Variants in FMN2 observed in about 807,000 individuals in gnomAD.
The protein encoded by FMN2 is formin 2.
Under a neutral mutation model 142.3 loss-of-function variants are expected in FMN2, and 51 were observed. The observed-to-expected ratio is 0.36, with a 90% confidence interval of 0.29 to 0.45. FMN2 has a LOEUF of 0.45. FMN2 is among the 20% of genes least tolerant of loss of function. FMN2 has a pLI of 1.00. For synonymous variants in FMN2, 882 were observed against 869.8 expected, an observed-to-expected ratio of 1.01 and a Z score of -0.25; for missense variants, 1,936 against 2,122.8, an observed-to-expected ratio of 0.91 and a Z score of 1.73.
chr1:240,388,178 C>CAAA (rs71170738), intron 14 of FMN2, among the ~76,000 whole-genome samples: 1 of 11,802 alleles, frequency 8.5e-5, no homozygotes, highest in African/African-American at 5.1e-4. Flanking sequence ...ACTCCCATCT[C>CAAA]AAAAAAAAAA....
At chr1:240,377,711 C>T (rs10802866) in intron 14 of FMN2, among the ~76,000 whole-genome samples, 78,376 of 151,826 alleles carry the variant, frequency 0.52, 20,959 homozygotes, top group African/African-American at 0.66. Context: ...AGTGATTGCA[C>T]TGGGACAACG....
At chr1:240,194,144 ACTT>A (rs1665823586) in intron 4 of FMN2, among the ~76,000 whole-genome samples, 1 of 151,808 alleles carries the variant, frequency 6.6e-6, no homozygotes, top group African/African-American at 2.4e-5. Flanking sequence ...TTAAAAATCT[ACTT>A]CTATTTTTTA....
intron 15 of FMN2, among the ~76,000 whole-genome samples, chr1:240,435,839 G>A (rs376331901): frequency 1.3e-5 from 2 of 152,134 alleles, no homozygotes; most frequent in African/African-American, 2.4e-5. Flanking sequence ...TAGCTATTGC[G>A]ACTTACATAT....
In FMN2 at chr1:240,366,055, C is replaced by T. The variant is rs149483148; in HGVS notation, c.4858+10147C>T. 3.1e-3 allele frequency among the ~76,000 whole-genome samples: 479 copies of T among 152,136 alleles called. 1 individual carries two copies. Among genetic ancestry groups the T allele is most frequent in the African/African-American group, 0.011 (457 of 41,482 alleles). ...GCTGAAACAAGAAGGCAGAGTGTTA[C>T]CTTGCAAAACCTCAGCTGGAAACAT... On this transcript the variant is annotated intron_variant, in intron 14 of 17. Coordinates refer to ENST00000319653, the MANE Select transcript of FMN2 (RefSeq NM_020066.5).
At chr1:240,198,710 A>G (rs562388391) in intron 4 of FMN2, among the ~76,000 whole-genome samples, 3 of 152,216 alleles carry the variant, frequency 2.0e-5, no homozygotes, top group South Asian at 4.1e-4. Context: ...TTATATCTAT[A>G]TAACACCTCG....
At chr1:240,155,128 C>A (rs950071951) in intron 2 of FMN2, among the ~76,000 whole-genome samples, 4 of 151,960 alleles carry the variant, frequency 2.6e-5, no homozygotes, top group African/African-American at 9.7e-5. Flanking sequence ...TGAGCTCAAG[C>A]AATCCACCCA....
intron 2 of FMN2, chr1:240,144,366 C>T (rs1476699397): frequency 6.2e-7 from 1 of 1,606,912 alleles, no homozygotes; most frequent in Non-Finnish European, 8.5e-7. Flanking sequence ...TCCATGATGT[C>T]CAGCTCCCGA....
At chr1:240,321,587 C>T (rs1406125693) in intron 8 of FMN2, among the ~76,000 whole-genome samples, 1 of 152,072 alleles carries the variant, frequency 6.6e-6, no homozygotes, top group Non-Finnish European at 1.5e-5. Context: ...ATGGTTTTCA[C>T]TAACTTGGTG....
intron 8 of FMN2, among the ~76,000 whole-genome samples, chr1:240,324,374 A>G (rs536990733): frequency 6.6e-5 from 10 of 152,052 alleles, no homozygotes; most frequent in Non-Finnish European, 1.3e-4. Context: ...GAAATGGTTT[A>G]AGGCCAGGCG....
intron 8 of FMN2, among the ~76,000 whole-genome samples, chr1:240,321,335 T>G (rs1482946602): frequency 1.3e-5 from 2 of 152,290 alleles, no homozygotes; most frequent in Admixed American, 1.3e-4. Context: ...AATTAGAATG[T>G]TGGAAGTCTT....
chr1:240,367,677 A>C (rs939683138), intron 14 of FMN2, among the ~76,000 whole-genome samples: 2 of 151,102 alleles, frequency 1.3e-5, no homozygotes, highest in African/African-American at 4.9e-5. Flanking sequence ...CTGAGGCAAA[A>C]GAATGGCGTG....
intron 1 of FMN2, among the ~76,000 whole-genome samples, chr1:240,110,625 G>A (rs1268521406): frequency 1.3e-5 from 2 of 152,138 alleles, no homozygotes; most frequent in Non-Finnish European, 2.9e-5. Flanking sequence ...GTGTATGACT[G>A]CAAAGCTGAT....
At position 240,206,850 on chromosome 1, in the gene FMN2, G is replaced by C; in HGVS notation, c.2038G>C (p.Glu680Gln). 6.2e-7 allele frequency: 1 copy of C among 1,614,114 alleles called. No homozygotes were observed. The change falls in exon 5 of 18, where the codon GAA becomes CAA. Residue 680 changes from glutamate (E) to glutamine (Q), a missense_variant. By Grantham distance (29) the Glu-to-Gln change is conservative. Around this residue, in one of 8 missense-constraint regions of FMN2, gnomAD observed 478 missense variants for 462.8 expected, o/e 1.03. Transcript: ENST00000319653. The part of the protein sequence containing the change: ...EGQATVIQQL[E>Q]QTIEDLRTKI... The stretch of plus-strand genomic sequence containing the variant: ...ACAGGCCACTGTAATTCAGCAGCTG[G>C]AACAGACTATTGAGGATCTGAGAAC...
intron 3 of FMN2, among the ~76,000 whole-genome samples, chr1:240,181,954 T>C (rs1665173742): frequency 6.6e-6 from 1 of 152,222 alleles, no homozygotes; most frequent in African/African-American, 2.4e-5. Context: ...GTATTGAATT[T>C]TTCTGTTTAT....
rs1673820692 is a variant in FMN2 at position 240,397,543 on chromosome 1, A to T, written c.4910+4981A>T. ...GTAATCCCAGCACTTTGGGAGGCCGAGACAGGCAGATTACTTGAGGTCAGG... is the reference window on the plus strand; with the variant it reads ...GTAATCCCAGCACTTTGGGAGGCCGTGACAGGCAGATTACTTGAGGTCAGG... On this transcript the variant is annotated intron_variant, in intron 15 of 17. Transcript: ENST00000319653. Among the ~76,000 whole-genome samples the T allele has an allele frequency of 2.6e-5, 4 of 152,058 alleles. No homozygotes were observed. The South Asian group carries it at 8.3e-4, about 32-fold the overall frequency.
intron 1 of FMN2, among the ~76,000 whole-genome samples, chr1:240,111,185 T>C (rs1183698104): frequency 6.6e-6 from 1 of 152,090 alleles, no homozygotes; most frequent in Non-Finnish European, 1.5e-5. Context: ...AATTTCTAGA[T>C]GAGGAAACAG....
At chr1:240,154,034 C>T (rs528191619) in intron 2 of FMN2, among the ~76,000 whole-genome samples, 18 of 140,306 alleles carry the variant, frequency 1.3e-4, no homozygotes, top group African/African-American at 4.8e-4. Flanking sequence ...CTCTTGAACC[C>T]AGGAGGCGGA....
chr1:240,353,977 T>TA (rs1422124017), intron 13 of FMN2, among the ~76,000 whole-genome samples: 1 of 152,166 alleles, frequency 6.6e-6, no homozygotes, highest in African/African-American at 2.4e-5. Flanking sequence ...CTGCAGAAGA[T>TA]ATCAGGACTA....
At chr1:240,452,063 C>T (rs951458844) in intron 16 of FMN2, among the ~76,000 whole-genome samples, 1 of 151,958 alleles carries the variant, frequency 6.6e-6, no homozygotes, top group Non-Finnish European at 1.5e-5. Flanking sequence ...TGGTGGCACT[C>T]ACCTGTAGTC....
Sources: allele counts gnomAD v4.1 joint callset (sites outside exome capture counted in the v4.1 genomes callset), GRCh38; gene constraint gnomAD v4.1.1; regional missense constraint gnomAD v4.1.1; transcripts MANE v1.5; gene names NCBI Gene and HGNC (gene_info 2026-07-23, HGNC 2026-07-21).